The following LYRM4 variants were observed in gnomAD, a reference collection of about 807,000 sequenced individuals.
The protein encoded by LYRM4 is LYR motif containing 4.
LYRM4 carries 9 observed loss-of-function variants against 11.7 expected under a neutral mutation model. That is an observed-to-expected ratio of 0.77 (90% CI 0.46 to 1.34). The LOEUF (loss-of-function observed/expected upper bound fraction) is 1.34. Among genes scored for constraint, LYRM4 ranks in the 40% most tolerant of loss-of-function variants. LYRM4 has a pLI of 0.00. For synonymous variants in LYRM4, 42 were observed against 40.4 expected (o/e 1.04, Z -0.15); for missense variants, 133 against 112.5 (o/e 1.18, Z -0.82).
At chr6:5,122,791 C>T (rs1441258996) in intron 2 of LYRM4, among the ~76,000 whole-genome samples, 2 of 152,234 alleles carry the variant, frequency 1.3e-5, no homozygotes, top group Non-Finnish European at 2.9e-5. Context: ...ACGAGGCAGA[C>T]ATCCCCGTCT....
At chr6:5,256,291 A>T (rs1401681936) in intron 1 of LYRM4, among the ~76,000 whole-genome samples, 1 of 151,788 alleles carries the variant, frequency 6.6e-6, no homozygotes, top group Non-Finnish European at 1.5e-5. Flanking sequence ...GGAGTTCAAG[A>T]TCAGCCTGGC....
intron 1 of LYRM4, chr6:5,218,109 G>T: frequency 2.4e-6 from 1 of 421,210 alleles, no homozygotes; most frequent in Non-Finnish European, 3.2e-6. Flanking sequence ...GACTTGCTGC[G>T]TTGCCCAGGC....
At chr6:5,167,945 G>A (rs1759186248) in intron 2 of LYRM4, among the ~76,000 whole-genome samples, 1 of 152,026 alleles carries the variant, frequency 6.6e-6, no homozygotes, top group African/African-American at 2.4e-5. Context: ...ATAAAGCAAG[G>A]ATGTGTTCAG....
chr6:5,199,843 C>T (rs1177859760), intron 2 of LYRM4, among the ~76,000 whole-genome samples: 5 of 152,166 alleles, frequency 3.3e-5, no homozygotes, highest in East Asian at 3.9e-4. Flanking sequence ...ACAGCCATTG[C>T]CTTGTTTTGC....
chr6:5,259,687 A>G (rs184806230), intron 1 of LYRM4, among the ~76,000 whole-genome samples: 1 of 152,172 alleles, frequency 6.6e-6, no homozygotes, highest in African/African-American at 2.4e-5. Context: ...CATCCAATCC[A>G]CAGTCTGGCC....
chr6:5,241,779 A>G (rs902000765), intron 1 of LYRM4, among the ~76,000 whole-genome samples: 2 of 152,190 alleles, frequency 1.3e-5, no homozygotes, highest in Non-Finnish European at 2.9e-5. Context: ...GGCATATGTT[A>G]TATATCAATA....
At chr6:5,234,394 G>A (rs1763416491) in intron 1 of LYRM4, among the ~76,000 whole-genome samples, 1 of 152,180 alleles carries the variant, frequency 6.6e-6, no homozygotes, top group Non-Finnish European at 1.5e-5. Context: ...GTGCCCTTAG[G>A]CTATAAGGAT....
At chr6:5,154,073 GA>G (rs1042371511) in intron 2 of LYRM4, among the ~76,000 whole-genome samples, 2 of 151,808 alleles carry the variant, frequency 1.3e-5, no homozygotes, top group African/African-American at 4.8e-5. Context: ...AGTCAACCAA[GA>G]AAAAAACCCT....
At chr6:5,210,705 T>G (rs1761947366) in intron 2 of LYRM4, among the ~76,000 whole-genome samples, 1 of 152,190 alleles carries the variant, frequency 6.6e-6, no homozygotes. Context: ...TATTCATCAT[T>G]CTACTTTCAA....
intron 1 of LYRM4, among the ~76,000 whole-genome samples, chr6:5,257,472 G>A (rs1409189202): frequency 3.3e-5 from 5 of 152,182 alleles, no homozygotes; most frequent in Non-Finnish European, 1.5e-5. Flanking sequence ...GATAACAGGT[G>A]CCTAGCTTAG....
At chr6:5,213,448 C>T (rs1321472053) in intron 2 of LYRM4, among the ~76,000 whole-genome samples, 3 of 152,190 alleles carry the variant, frequency 2.0e-5, no homozygotes, top group Admixed American at 2.0e-4. Context: ...AGTGTGAGCA[C>T]TGCCTTTATG....
intron 1 of LYRM4, among the ~76,000 whole-genome samples, chr6:5,235,693 A>G (rs1763499252): frequency 6.6e-6 from 1 of 152,254 alleles, no homozygotes; most frequent in Non-Finnish European, 1.5e-5. Context: ...GCACAAGATT[A>G]AGTATGTGGA....
chr6:5,128,760 G>T (rs990252073), intron 2 of LYRM4, among the ~76,000 whole-genome samples: 1 of 152,184 alleles, frequency 6.6e-6, no homozygotes, highest in African/African-American at 2.4e-5. Flanking sequence ...CTACTACATG[G>T]GGTATGACCA....
chr6:5,039,203 G>T, the LYRM4 span, among the ~76,000 whole-genome samples: 89 of 151,974 alleles, frequency 5.9e-4, no homozygotes, highest in African/African-American at 2.0e-3. Flanking sequence ...GAAGCTTACC[G>T]GAAGCCACCA....
At chr6:5,082,858 C>T in the LYRM4 span, among the ~76,000 whole-genome samples, 2 of 152,248 alleles carry the variant, frequency 1.3e-5, no homozygotes, top group Admixed American at 6.5e-5. Context: ...GTCCAGCCCC[C>T]TGACACTCCC....
the LYRM4 span, chr6:5,085,733 G>T: frequency 1.3e-6 from 2 of 1,543,050 alleles, no homozygotes; most frequent in South Asian, 1.2e-5. Flanking sequence ...TGCCGCGCGC[G>T]CTCCTTTTCC....
At chr6:5,230,224 A>G (rs1469426613) in intron 1 of LYRM4, among the ~76,000 whole-genome samples, 1 of 152,190 alleles carries the variant, frequency 6.6e-6, no homozygotes, top group Non-Finnish European at 1.5e-5. Flanking sequence ...CCCTCTTGAC[A>G]TGCTCCTAAA....
the LYRM4 span, among the ~76,000 whole-genome samples, chr6:5,064,932 T>C: frequency 1.3e-5 from 2 of 152,066 alleles, no homozygotes; most frequent in Non-Finnish European, 2.9e-5. Context: ...AGTCTCGGTG[T>C]TGCACATCCT....
intron 2 of LYRM4, among the ~76,000 whole-genome samples, chr6:5,169,558 A>G (rs982073193): frequency 4.6e-5 from 7 of 152,228 alleles, no homozygotes; most frequent in Admixed American, 6.5e-5. Context: ...TGAGTAGGCG[A>G]ATTTATAAAT....
Sources: allele counts gnomAD v4.1 joint callset (sites outside exome capture counted in the v4.1 genomes callset), GRCh38; gene constraint gnomAD v4.1.1; transcripts MANE v1.5; gene names NCBI Gene and HGNC (gene_info 2026-07-23, HGNC 2026-07-21).